The following BCAR1 variants were observed in gnomAD, a reference collection of about 807,000 sequenced individuals.
BCAR1 encodes the protein breast cancer anti-estrogen resistance protein 1.
BCAR1 carries 30 observed loss-of-function variants against 67.6 expected under a neutral mutation model. The observed-to-expected ratio is 0.44, with a 90% confidence interval of 0.33 to 0.60. The LOEUF (loss-of-function observed/expected upper bound fraction) is 0.60. Among genes scored for constraint, BCAR1 ranks in the 20% least tolerant of loss-of-function variants. The pLI is 0.02. For missense variants in BCAR1, 1,313 were observed against 1,222.3 expected (o/e 1.07, Z -1.11); for synonymous variants, 626 against 556.7 (o/e 1.12, Z -1.75).
chr16:75,229,658 G>T lies in BCAR1; in HGVS notation c.2466C>A (p.Leu822=). 6.2e-7 allele frequency: 1 copy of T among 1,612,880 alleles called. No individual in the cohort carries two copies. The highest frequency in any genetic ancestry group is 8.5e-7 in the Non-Finnish European group (1 of 1,179,948). ...VTHYSNLLCD[L]LRGIVATTKA... ...TGGTGGTGGCCACGATGCCGCGCAG[G>T]AGGTCGCACAGCAGGTTGCTGTAGT... Residue 822 remains leucine (L), a synonymous_variant, in exon 7 of 7, where the codon CTC becomes CTA. Transcript: ENST00000162330.
intron 6 of BCAR1, among the ~76,000 whole-genome samples, chr16:75,232,651 T>A (rs1024296613): frequency 1.2e-4 from 19 of 152,212 alleles, no homozygotes; most frequent in African/African-American, 4.3e-4. Flanking sequence ...GTTATGTGGG[T>A]ACAATGTACC....
intron 1 of BCAR1, among the ~76,000 whole-genome samples, chr16:75,260,220 A>G (rs1017506239): frequency 6.6e-6 from 1 of 151,962 alleles, no homozygotes; most frequent in African/African-American, 2.4e-5. Context: ...GCCAGACCCC[A>G]AAGTGCATCT....
chr16:75,239,124 G>C (rs1438366327), intron 2 of BCAR1: 2 of 984,404 alleles, frequency 2.0e-6, no homozygotes, highest in Non-Finnish European at 2.4e-6. Flanking sequence ...TAGAAAAACA[G>C]AGCAACGCAG....
intron 2 of BCAR1, among the ~76,000 whole-genome samples, chr16:75,241,867 G>A (rs557602620): frequency 3.9e-5 from 6 of 152,256 alleles, no homozygotes; most frequent in South Asian, 4.1e-4. Context: ...GAGGCCAGAG[G>A]TCTTGTCCCC....
upstream of BCAR1, chr16:75,251,746 G>A (rs935243027): frequency 2.5e-5 from 24 of 945,146 alleles, no homozygotes; most frequent in Admixed American, 7.9e-4. Flanking sequence ...GGGGGCGCGG[G>A]CGCGCAGACA....
Position 75,236,823 on chromosome 16 carries a change from C to A in BCAR1, c.912+59G>T, listed in dbSNP as rs2278020. ...AGACACTGGTCAGCACCCCTGTGCACACACCCAGACACCCCACAGCCTCAG... is the reference window on the plus strand; with the variant it reads ...AGACACTGGTCAGCACCCCTGTGCAAACACCCAGACACCCCACAGCCTCAG... On this transcript the variant is annotated intron_variant, in intron 4 of 6. Transcript: ENST00000162330. 537,196 of 1,574,508 alleles carry A rather than the reference C, an allele frequency of 0.34. 101,438 individuals are homozygous for A. The highest frequency in any genetic ancestry group is 0.83 in the East Asian group (36,121 of 43,716).
At position 75,236,903 on chromosome 16, in the gene BCAR1, C is replaced by T; in HGVS notation, c.891G>A (p.Leu297=). 1 of 1,612,538 alleles carries T rather than the reference C, an allele frequency of 6.2e-7. No individual in the cohort carries two copies. The highest frequency in any genetic ancestry group is 8.5e-7 in the Non-Finnish European group (1 of 1,179,370). Residue 297 remains leucine (L), a synonymous_variant, in exon 4 of 7, where the codon CTG becomes CTA. Transcript: ENST00000162330. ...TCACTGCGTGGTGGTTGGACGGTGG[C>T]AGGCCCTTCTCCACACTGGGGGGCA... ...YDVPPSVEKG[L]PPSNHHAVYD...
chr16:75,248,471 C>G, intron 1 of BCAR1: 1 of 618,764 alleles, frequency 1.6e-6, no homozygotes, highest in Non-Finnish European at 2.2e-6. Flanking sequence ...ACCCGGGACC[C>G]ACCTGGAGGG....
intron 6 of BCAR1, among the ~76,000 whole-genome samples, chr16:75,231,065 A>G (rs2076883932): frequency 6.6e-6 from 1 of 151,714 alleles, no homozygotes; most frequent in African/African-American, 2.4e-5. Context: ...TATTTTTATA[A>G]AGAAGGAGTC....
At chr16:75,247,979 G>C (rs2077568774) in intron 1 of BCAR1, 2 of 891,698 alleles carry the variant, frequency 2.2e-6, no homozygotes, top group Non-Finnish European at 3.7e-6. Flanking sequence ...GTTCCTCCCT[G>C]CGGGAGGCAG....
At chr16:75,256,209 TCATAACCC>T (rs1234756847), upstream of BCAR1, 3 of 152,324 alleles carry the variant, frequency 2.0e-5, no homozygotes, top group Non-Finnish European at 4.4e-5. Context: ...ACCTTCCACC[TCATAACCC>T]AGGCGTGTGC....
chr16:75,233,245 C>T (rs1243847536), intron 6 of BCAR1, among the ~76,000 whole-genome samples: 1 of 151,986 alleles, frequency 6.6e-6, no homozygotes, highest in African/African-American at 2.4e-5. Flanking sequence ...TGGTGGCAGG[C>T]GCCTGTAATC....
At chr16:75,233,740 GACA>G in intron 6 of BCAR1, 103 bp downstream of exon 6, 1 of 1,202,818 alleles carries the variant, frequency 8.3e-7, no homozygotes, top group Non-Finnish European at 1.2e-6. Context: ...AGCACTGTCA[GACA>G]ACATGAGAAG....
intron 1 of BCAR1, chr16:75,266,076 C>T (rs999034560): frequency 9.9e-7 from 1 of 1,010,666 alleles, no homozygotes; most frequent in South Asian, 4.7e-5. Flanking sequence ...GACCCCGGAC[C>T]TAGGCCTTTT....
chr16:75,230,367 G>C (rs962347770), intron 6 of BCAR1, among the ~76,000 whole-genome samples: 2 of 152,132 alleles, frequency 1.3e-5, no homozygotes, highest in African/African-American at 4.8e-5. Flanking sequence ...ACGTGGCACT[G>C]GGGAAAATGG....
Position 75,251,471 on chromosome 16 carries a change from C to G in BCAR1, c.12G>C (p.Leu4=), listed in dbSNP as rs1389410101. The change falls in exon 1 of 7, where the codon CTG becomes CTC. Residue 4 remains leucine, a splice_region_variant and synonymous_variant. Transcript: ENST00000162330. The part of the protein sequence containing the change: MNH[L]NVLAKALYDN... ...GCCCGGCCCCACCTGGCGCCCTCAC[C>G]AGGTGGTTCATGGTGTCCGGCGGGC... is the stretch of plus-strand genomic sequence containing the variant. 1 of 1,443,120 alleles carries G rather than the reference C, an allele frequency of 6.9e-7. No individual in the cohort carries two copies. Among genetic ancestry groups the G allele is most frequent in the South Asian group, 1.4e-5 (1 of 73,776 alleles). The allele number at this position is 1,443,120 out of a possible 1,614,324, so 89.4% of individuals were successfully genotyped here.
rs199640997 is a variant in BCAR1 at position 75,236,892 on chromosome 16, T to C, written c.902A>G (p.Asn301Ser). Residue 301 changes from asparagine to serine, a missense_variant, in exon 4 of 7, where the codon AAC becomes AGC. Asn to Ser is a conservative substitution (Grantham distance 46). Around this residue, in one of 2 missense-constraint regions of BCAR1, gnomAD observed 1,272 missense variants for 1,137.5 expected, o/e 1.12. Coordinates refer to ENST00000162330, the MANE Select transcript of BCAR1 (RefSeq NM_014567.5). ...CTGGCATTTGCTCACTGCGTGGTGG[T>C]TGGACGGTGGCAGGCCCTTCTCCAC... is the stretch of plus-strand genomic sequence containing the variant. ...PSVEKGLPPS[N>S]HHAVYDVPPS... is the part of the protein sequence containing the mutation. The C allele has an allele frequency of 2.5e-5, 41 of 1,612,440 alleles. No homozygotes were observed. Among genetic ancestry groups the C allele is most frequent in the African/African-American group, 2.5e-4 (19 of 75,030 alleles).
At chr16:75,264,743 A>G in intron 1 of BCAR1, 1 of 968,208 alleles carries the variant, frequency 1.0e-6, no homozygotes, top group African/African-American at 1.7e-5. Context: ...CTTGCCAGAA[A>G]GCCCCCACTG....
chr16:75,254,422 T>C (rs2077736800), upstream of BCAR1, among the ~76,000 whole-genome samples: 1 of 152,000 alleles, frequency 6.6e-6, no homozygotes. Flanking sequence ...TGAGAAGGGG[T>C]GCAGTAAACA....
Sources: gnomAD v4.1 joint callset for allele counts (sites outside exome capture counted in the v4.1 genomes callset) on GRCh38, gnomAD v4.1.1 for gene constraint, gnomAD v4.1.1 regional missense constraint, MANE v1.5 for transcripts, NCBI Gene and HGNC (gene_info 2026-07-23, HGNC 2026-07-21) for gene names.